The following MTFMT variants were observed in gnomAD, a reference collection of about 807,000 sequenced individuals.
MTFMT encodes the protein methionyl-tRNA formyltransferase, mitochondrial.
Under a neutral mutation model 51.8 loss-of-function variants are expected in MTFMT, and 47 were observed. The ratio of observed to expected loss-of-function variants is 0.91; its 90% CI spans 0.72 to 1.16. The LOEUF (loss-of-function observed/expected upper bound fraction) is 1.16. Among genes scored for constraint, MTFMT ranks in the 50% most tolerant of loss-of-function variants. The probability of loss-of-function intolerance (pLI) is 0.00; values close to 1 mark genes in which losing one functional copy is unlikely to be tolerated. For synonymous variants in MTFMT, 196 were observed against 176.7 expected, an observed-to-expected ratio of 1.11 and a Z score of -0.87; for missense variants, 512 against 482.3, an observed-to-expected ratio of 1.06 and a Z score of -0.58.
In MTFMT at chr15:65,029,504, C is replaced by A. The variant is rs914629878; in HGVS notation, c.110G>T (p.Cys37Phe). Reference protein sequence around the residue: ...RALARLGWEDCRDSRVREKPP... With the variant: ...RALARLGWEDFRDSRVREKPP... ...CTTCTCGCGGACTCTGGAGTCCCGG[C>A]AGTCCTCCCAGCCGAGTCGGGCCAG... is the stretch of plus-strand genomic sequence containing the variant. Residue 37 changes from cysteine (C) to phenylalanine (F), a missense_variant, in exon 1 of 9, where the codon TGC becomes TTC. Transcript: ENST00000220058. 1.3e-6 allele frequency: 2 copies of A among 1,532,010 alleles called. No individual in the cohort carries two copies. The highest frequency in any genetic ancestry group is 1.8e-4 in the Middle Eastern group (1 of 5,590). The allele number at this position is 1,532,010 out of a possible 1,614,324, so 94.9% of individuals were successfully genotyped here.
chr15:65,020,272 GC>G lies in MTFMT; in HGVS notation c.646-1del. 4.5e-6 allele frequency: 7 copies of G among 1,564,848 alleles called. No individual in the cohort carries two copies. In the Admixed American group the frequency reaches 9.8e-5, roughly 22 times the overall value. ...GGCAAATTTTTCAAAACTGAAATGA[GC>G]TACAAAAAAAAAAAAAAGAGTGTGA... On this transcript the variant is annotated splice_acceptor_variant, in intron 4 of 8. Coordinates refer to ENST00000220058, the MANE Select transcript of MTFMT (RefSeq NM_139242.4). LOFTEE classifies it high-confidence loss of function.
At chr15:65,027,121 G>T in intron 1 of MTFMT, 81 bp from the exon 2 acceptor site, 1 of 972,324 alleles carries the variant, frequency 1.0e-6, no homozygotes, top group Non-Finnish European at 1.6e-6. Flanking sequence ...CGCTAAGTAT[G>T]TTTATGATTA....
At chr15:65,006,666 G>C (rs539989814) in intron 6 of MTFMT, among the ~76,000 whole-genome samples, 1 of 152,042 alleles carries the variant, frequency 6.6e-6, no homozygotes, top group Non-Finnish European at 1.5e-5. Context: ...GTGAGCCACC[G>C]CGCCCGGCCG....
At chr15:65,016,190 T>C (rs996208732) in intron 6 of MTFMT, 2 of 231,490 alleles carry the variant, frequency 8.6e-6, no homozygotes, top group Admixed American at 5.4e-5. Flanking sequence ...AAAACTTGGT[T>C]ATGTGAAACT....
At chr15:65,019,543 A>G (rs1283942249) in intron 5 of MTFMT, among the ~76,000 whole-genome samples, 1 of 152,212 alleles carries the variant, frequency 6.6e-6, no homozygotes, top group Non-Finnish European at 1.5e-5. Flanking sequence ...TATAGGAAAT[A>G]TAAGAGATAG....
chr15:65,026,876 G>A lies in MTFMT; in HGVS notation c.374C>T (p.Ser125Leu), dbSNP rs397514614. 39 of 1,613,886 alleles carry A rather than the reference G, an allele frequency of 2.4e-5. No individual in the cohort carries two copies. Among genetic ancestry groups the A allele is most frequent in the Non-Finnish European group, 3.1e-5 (36 of 1,179,876 alleles). The change falls in exon 2 of 9, where the codon TCG becomes TTG. Residue 125 changes from serine (S) to leucine (L), a missense_variant. Ser to Leu is a moderately radical substitution (Grantham distance 145, BLOSUM62 -2). Transcript: ENST00000220058. ...AGCCTCATTCAAAAGTCGGCCAAAC[G>A]AAGCCACTACTCCAACATCATATTC... Reference protein sequence around the residue: ...SGEYDVGVVASFGRLLNEALI... With the variant: ...SGEYDVGVVALFGRLLNEALI...
intron 8 of MTFMT, among the ~76,000 whole-genome samples, chr15:65,003,701 C>G (rs1453215504): frequency 6.6e-6 from 1 of 151,648 alleles, no homozygotes; most frequent in Non-Finnish European, 1.5e-5. Context: ...TACAAAAATA[C>G]AAAAATTAGC....
rs560922976 is a variant in MTFMT at position 65,026,931 on chromosome 15, C to T, written c.319G>A (p.Val107Ile). 8 of 1,613,964 alleles carry T rather than the reference C, an allele frequency of 5.0e-6. No individual in the cohort carries two copies. The highest frequency in any genetic ancestry group is 2.2e-5 in the South Asian group (2 of 91,088). ...GATCCCACATCCGGCCACTCATATA[C>T]GGGAAGCTGAGACTGCACAGCATAT... ...KQYAVQSQLP[V>I]YEWPDVGSGE... is the part of the protein sequence containing the mutation. Residue 107 changes from valine (V) to isoleucine (I), a missense_variant, in exon 2 of 9, where the codon GTA becomes ATA. Transcript: ENST00000220058.
intron 1 of MTFMT, among the ~76,000 whole-genome samples, chr15:65,028,812 A>C (rs2086452384): frequency 6.6e-6 from 1 of 152,234 alleles, no homozygotes; most frequent in Non-Finnish European, 1.5e-5. Context: ...AAACTTGTTA[A>C]ATATTATGAA....
chr15:65,011,677 G>T (rs573868393), intron 6 of MTFMT, among the ~76,000 whole-genome samples: 46 of 151,596 alleles, frequency 3.0e-4, no homozygotes, highest in African/African-American at 1.1e-3. Flanking sequence ...TTTACTTTTT[G>T]TAATGATGGG....
chr15:65,006,227 T>G, intron 6 of MTFMT, 36 bp from the exon 7 acceptor site: 2 of 1,503,180 alleles, frequency 1.3e-6, no homozygotes, highest in Non-Finnish European at 1.8e-6. Flanking sequence ...GATAAAGGAA[T>G]ACACTCAACT....
intron 8 of MTFMT, among the ~76,000 whole-genome samples, chr15:65,004,615 T>G (rs1359401265): frequency 6.6e-6 from 1 of 152,204 alleles, no homozygotes; most frequent in African/African-American, 2.4e-5. Context: ...CGTGTTCTTT[T>G]AAGAAAGCAC....
chr15:65,029,307 C>CT (rs2086457832), intron 1 of MTFMT, 98 bp downstream of exon 1: 2 of 1,329,722 alleles, frequency 1.5e-6, no homozygotes, highest in African/African-American at 3.1e-5. Context: ...GCCGCCCATG[C>CT]TTTCCGCAAC....
intron 6 of MTFMT, among the ~76,000 whole-genome samples, chr15:65,015,247 G>A (rs1258495742): frequency 6.6e-6 from 1 of 152,032 alleles, no homozygotes; most frequent in African/African-American, 2.4e-5. Flanking sequence ...CTGGCCCTAT[G>A]GTCCTTGTTT....
rs768816503 is a variant in MTFMT at position 65,006,094 on chromosome 15, G to C, written c.892+19C>G. ...TACAGTGAAAACAGCTTCCATGTTA[G>C]CTATTCAAAAGTTAGTACCAGCAAG... is the stretch of plus-strand genomic sequence containing the variant. On this transcript the variant is annotated intron_variant, in intron 7 of 8. Coordinates refer to ENST00000220058, the MANE Select transcript of MTFMT (RefSeq NM_139242.4). 5 of 1,581,172 alleles carry C rather than the reference G, an allele frequency of 3.2e-6. No homozygotes were observed. The African/African-American group carries it at 6.7e-5, about 21-fold the overall frequency.
rs141589794 is a variant in MTFMT at position 65,004,707 on chromosome 15, C to G, written c.975+147G>C. 663 of 439,874 alleles carry G rather than the reference C, an allele frequency of 1.5e-3. 4 individuals are homozygous for G. The highest frequency in any genetic ancestry group is 8.8e-3 in the African/African-American group (433 of 49,320). 27.2% of individuals were successfully genotyped at this position (439,874 alleles called of 1,614,324 possible). On this transcript the variant is annotated intron_variant, in intron 8 of 8. Coordinates refer to ENST00000220058, the MANE Select transcript of MTFMT (RefSeq NM_139242.4). The stretch of plus-strand genomic sequence containing the variant: ...CACTTTCAAAAAATTATGCTAGAGA[C>G]TTCACTATTTCTTAAGAAAATTAAA...
At chr15:65,024,324 G>A (rs938793076) in intron 2 of MTFMT, among the ~76,000 whole-genome samples, 4 of 151,980 alleles carry the variant, frequency 2.6e-5, no homozygotes, top group Admixed American at 6.6e-5. Context: ...AAACTCCGTC[G>A]CAAAATCTAC....
intron 2 of MTFMT, among the ~76,000 whole-genome samples, chr15:65,025,762 G>A (rs1178277000): frequency 6.6e-6 from 1 of 152,194 alleles, no homozygotes; most frequent in Non-Finnish European, 1.5e-5. Context: ...AAGAGCTGTG[G>A]AGGCAGTAGG....
intron 6 of MTFMT, among the ~76,000 whole-genome samples, chr15:65,014,240 A>G (rs1346688413): frequency 6.6e-6 from 1 of 151,822 alleles, no homozygotes; most frequent in Non-Finnish European, 1.5e-5. Context: ...GGCTTTCCCC[A>G]TCACCGATCT....
Sources: gnomAD v4.1 joint callset for allele counts (sites outside exome capture counted in the v4.1 genomes callset) on GRCh38, gnomAD v4.1.1 for gene constraint, MANE v1.5 for transcripts, NCBI Gene and HGNC (gene_info 2026-07-23, HGNC 2026-07-21) for gene names.